KLRG1: variants seen among roughly 807,000 people sequenced by gnomAD.
KLRG1 encodes killer cell lectin-like receptor subfamily G member 1.
A neutral mutation model predicts 21.8 loss-of-function variants in KLRG1; 16 were observed. The observed-to-expected ratio is 0.73, with a 90% CI of 0.50 to 1.11. The LOEUF is 1.11. Ranked by LOEUF, KLRG1 falls within the 50% of genes most tolerant of loss-of-function variation. KLRG1 has a pLI of 0.00. For missense variants in KLRG1, 173 were observed against 218.3 expected, an observed-to-expected ratio of 0.79 and a Z score of 1.31; for synonymous variants, 69 against 75.9, an observed-to-expected ratio of 0.91 and a Z score of 0.47.
At chr12:9,036,914 T>C in the KLRG1 span, 19 of 320,664 alleles carry the variant, frequency 5.9e-5, no homozygotes, top group African/African-American at 4.0e-4. Flanking sequence ...GACTTCGAGC[T>C]TCACACTAAT....
chr12:9,157,114 T>G, the KLRG1 span: 1 of 1,516,382 alleles, frequency 6.6e-7, no homozygotes, highest in Non-Finnish European at 9.0e-7. Flanking sequence ...CAATGTGTGC[T>G]GTTCCCCTCC....
intron 1 of KLRG1, among the ~76,000 whole-genome samples, chr12:8,953,055 C>G (rs370228647): frequency 2.6e-3 from 397 of 152,136 alleles, no homozygotes; most frequent in Non-Finnish European, 4.9e-3. Flanking sequence ...ACACCCCCCC[C>G]CCGCAAAACC....
chr12:8,998,179 A>G (rs942921247), intron 3 of KLRG1, among the ~76,000 whole-genome samples: 3 of 152,102 alleles, frequency 2.0e-5, no homozygotes, highest in African/African-American at 4.8e-5. Context: ...AAATACAAAA[A>G]TTAGCTAGGC....
the KLRG1 span, chr12:9,098,542 C>A: frequency 6.6e-7 from 1 of 1,523,982 alleles, no homozygotes; most frequent in South Asian, 1.2e-5. Flanking sequence ...CTTATCCAGT[C>A]ATTTTTCCTT....
upstream of KLRG1, among the ~76,000 whole-genome samples, chr12:8,986,929 C>T (rs1946851327): frequency 6.6e-6 from 1 of 152,180 alleles, no homozygotes; most frequent in African/African-American, 2.4e-5. Flanking sequence ...TGCTCCTGCT[C>T]TGGCCATGTA....
At chr12:9,151,577 T>A in the KLRG1 span, 1 of 1,600,944 alleles carries the variant, frequency 6.2e-7, no homozygotes, top group Non-Finnish European at 8.6e-7. Context: ...CCATATGTAG[T>A]CTCAGCCAGG....
intron 1 of KLRG1, among the ~76,000 whole-genome samples, chr12:8,955,375 ATTTTTTTTTTTTTTTTTT>A (rs61263683): frequency 0.016 from 1,174 of 71,352 alleles, 34 homozygotes; most frequent in African/African-American, 0.054. Flanking sequence ...TATTGCTCTG[ATTTTTTTTTTTTTTTTTT>A]TTTTTTTTTT....
chr12:9,200,377 T>G, the KLRG1 span: 2 of 1,606,372 alleles, frequency 1.2e-6, no homozygotes, highest in East Asian at 4.5e-5. Flanking sequence ...CCACAGACTG[T>G]TATGTTCACT....
At chr12:9,096,006 G>A in the KLRG1 span, among the ~76,000 whole-genome samples, 2 of 151,578 alleles carry the variant, frequency 1.3e-5, no homozygotes, top group South Asian at 2.1e-4. Flanking sequence ...TGATCCACCC[G>A]CCTCGGCCTC....
chr12:9,176,547 GC>G, the KLRG1 span, among the ~76,000 whole-genome samples: 1 of 152,188 alleles, frequency 6.6e-6, no homozygotes, highest in Non-Finnish European at 1.5e-5. Context: ...ATGAACTTAT[GC>G]CATTATATTG....
the KLRG1 span, among the ~76,000 whole-genome samples, chr12:9,121,234 C>G: frequency 6.6e-6 from 1 of 152,112 alleles, no homozygotes. This position sits in a 1 kb window ranked among gnomAD's most constrained non-coding sequence, Gnocchi z 4.4. Flanking sequence ...AAGATAAAAG[C>G]ACATCCTCAG....
the KLRG1 span, among the ~76,000 whole-genome samples, chr12:9,104,919 ACATT>A: frequency 6.6e-6 from 1 of 152,222 alleles, no homozygotes. Context: ...AATTGCCAAT[ACATT>A]GTCCTGTGTG....
At chr12:9,162,109 C>T in the KLRG1 span, among the ~76,000 whole-genome samples, 5 of 152,098 alleles carry the variant, frequency 3.3e-5, no homozygotes, top group African/African-American at 1.2e-4. Context: ...CTACAGGCGC[C>T]CGCCACCAGG....
At chr12:8,992,425 G>C (rs1283840380) in intron 2 of KLRG1, 115 bp downstream of exon 2, 1 of 668,284 alleles carries the variant, frequency 1.5e-6, no homozygotes, top group African/African-American at 1.8e-5. Context: ...CTCTCCATCT[G>C]TATACAGCTA....
the KLRG1 span, among the ~76,000 whole-genome samples, chr12:9,133,157 T>G: frequency 2.6e-5 from 4 of 152,164 alleles, no homozygotes; most frequent in African/African-American, 9.7e-5. Context: ...GTAGACATAT[T>G]GAATTTGAGG....
chr12:9,119,738 A>T, the KLRG1 span, among the ~76,000 whole-genome samples: 1 of 152,196 alleles, frequency 6.6e-6, no homozygotes, highest in Admixed American at 6.5e-5. Flanking sequence ...AGGTCTCTGA[A>T]GGATGCATGC....
chr12:9,085,812 AATT>A, the KLRG1 span, among the ~76,000 whole-genome samples: 420 of 152,174 alleles, frequency 2.8e-3, 2 homozygotes, highest in African/African-American at 9.7e-3. Context: ...ATGAAAGAGA[AATT>A]ATGGCTGATA....
chr12:8,994,036 C>T (rs1174499429), intron 2 of KLRG1, among the ~76,000 whole-genome samples: 4 of 152,056 alleles, frequency 2.6e-5, no homozygotes, highest in African/African-American at 9.7e-5. Flanking sequence ...GTTGGAATTA[C>T]CTTGAAAGCA....
the KLRG1 span, among the ~76,000 whole-genome samples, chr12:9,114,658 TTTA>T: frequency 2.0e-5 from 3 of 152,062 alleles, no homozygotes; most frequent in Non-Finnish European, 4.4e-5. Flanking sequence ...TTCTTACTTC[TTTA>T]TTGTCAAGCA....
Sources: gnomAD v4.1 joint callset for allele counts (sites outside exome capture counted in the v4.1 genomes callset) on GRCh38, gnomAD v4.1.1 for gene constraint, Gnocchi (gnomAD v3.1) non-coding constraint, MANE v1.5 for transcripts, NCBI Gene and HGNC (gene_info 2026-07-23, HGNC 2026-07-21) for gene names.